PDE8B: variants seen among roughly 807,000 people sequenced by gnomAD.
The protein encoded by PDE8B is phosphodiesterase 8B.
Under a neutral mutation model 101.3 loss-of-function variants are expected in PDE8B, and 26 were observed. That is an observed-to-expected ratio of 0.26 (90% CI 0.19 to 0.36). PDE8B has a LOEUF of 0.36. Among genes scored for constraint, PDE8B ranks in the 10% least tolerant of loss-of-function variants. The probability of loss-of-function intolerance (pLI) is 1.00; values close to 1 mark genes in which losing one functional copy is unlikely to be tolerated. For missense variants in PDE8B, 810 were observed against 1,163.1 expected (o/e 0.70, Z 4.42); for synonymous variants, 424 against 429.3 (o/e 0.99, Z 0.15).
rs771870686 is a variant in PDE8B, at chr5:77,325,580, C to A, written c.441C>A (p.Gly147=). Reference sequence around the variant, plus strand: ...CAAAGGAAGATAGTCAGAGCGATGGCTTCTGGTGGGCCTGCGACAGAGCTG... The same window carrying A: ...CAAAGGAAGATAGTCAGAGCGATGGATTCTGGTGGGCCTGCGACAGAGCTG... ...IFAKEDSQSD[G]FWWACDRAGY... The change falls in exon 3 of 22, where the codon GGC becomes GGA. Residue 147 remains glycine, a synonymous_variant. Coordinates refer to ENST00000264917, the MANE Select transcript of PDE8B (RefSeq NM_003719.5). 3 of 1,614,072 alleles carry A rather than the reference C, an allele frequency of 1.9e-6. No individual in the cohort carries two copies. In the South Asian group the frequency reaches 3.3e-5, roughly 18 times the overall value.
intron 10 of PDE8B, among the ~76,000 whole-genome samples, chr5:77,393,887 C>G (rs369800979): frequency 6.6e-6 from 1 of 152,174 alleles, no homozygotes; most frequent in South Asian, 2.1e-4. Flanking sequence ...ATTTAGACAA[C>G]GTACCAAGTT....
chr5:77,305,091 T>A (rs542031654), intron 1 of PDE8B, among the ~76,000 whole-genome samples: 1 of 152,312 alleles, frequency 6.6e-6, no homozygotes, highest in African/African-American at 2.4e-5. Flanking sequence ...AACAGACAAG[T>A]CTGCTCAAAA....
chr5:77,236,542 C>G (rs1011427215), intron 1 of PDE8B, among the ~76,000 whole-genome samples: 1 of 152,184 alleles, frequency 6.6e-6, no homozygotes, highest in Admixed American at 6.5e-5. Flanking sequence ...AAGTGATTAA[C>G]TGTGTCACAT....
At chr5:77,299,975 A>C (rs919547311) in intron 1 of PDE8B, among the ~76,000 whole-genome samples, 1 of 152,208 alleles carries the variant, frequency 6.6e-6, no homozygotes, top group Non-Finnish European at 1.5e-5. Flanking sequence ...TATGCAGTGG[A>C]GTAGGCCAGA....
chr5:77,331,054 G>A (rs781468360), intron 4 of PDE8B, among the ~76,000 whole-genome samples: 17 of 152,120 alleles, frequency 1.1e-4, no homozygotes, highest in Non-Finnish European at 2.1e-4. Context: ...GGGAACAATT[G>A]TCTCCGAATG....
chr5:77,184,828 A>G, the PDE8B span, among the ~76,000 whole-genome samples: 1 of 152,100 alleles, frequency 6.6e-6, no homozygotes, highest in Non-Finnish European at 1.5e-5. Flanking sequence ...TTTTCAAAAT[A>G]AAAATAAAAA....
chr5:77,261,921 G>T (rs1337649511), intron 1 of PDE8B, among the ~76,000 whole-genome samples: 2 of 152,106 alleles, frequency 1.3e-5, no homozygotes. Context: ...TAACATTTGA[G>T]GCCATCCCTC....
chr5:77,363,443 G>A (rs909266328), intron 10 of PDE8B, among the ~76,000 whole-genome samples: 1 of 152,188 alleles, frequency 6.6e-6, no homozygotes, highest in African/African-American at 2.4e-5. Flanking sequence ...GCCTGGTGCG[G>A]TGGCTTATGT....
chr5:77,390,853 A>G (rs900265180), intron 10 of PDE8B, among the ~76,000 whole-genome samples: 8 of 152,204 alleles, frequency 5.3e-5, no homozygotes, highest in Admixed American at 4.6e-4. Flanking sequence ...GGCTCTGCAT[A>G]CTACCTGTGT....
In PDE8B at chr5:77,413,269, T is replaced by C. The variant is rs756394963; in HGVS notation, c.1871T>C (p.Leu624Pro). 6.2e-7 allele frequency: 1 copy of C among 1,614,056 alleles called. No individual in the cohort carries two copies. Among genetic ancestry groups the C allele is most frequent in the Non-Finnish European group, 8.5e-7 (1 of 1,179,948 alleles). ...AACTCCACCCATGCTGCCGACGTCC[T>C]GCACGCCACCGCTTTCTTTCTTGGA... is the stretch of plus-strand genomic sequence containing the variant. ...YHNSTHAADVLHATAFFLGKE... is the reference protein window; with the variant it reads ...YHNSTHAADVPHATAFFLGKE... Residue 624 changes from leucine (L) to proline (P), a missense_variant, in exon 17 of 22, where the codon CTG becomes CCG. Leu to Pro is a moderately conservative substitution (Grantham distance 98). Transcript: ENST00000264917.
At chr5:77,334,082 TCTC>T (rs1036013829) in intron 5 of PDE8B, among the ~76,000 whole-genome samples, 4 of 152,224 alleles carry the variant, frequency 2.6e-5, no homozygotes, top group Admixed American at 2.0e-4. Flanking sequence ...ATGTGGTGGT[TCTC>T]CTTTTTTGGG....
the PDE8B span, among the ~76,000 whole-genome samples, chr5:77,164,010 G>T: frequency 6.8e-4 from 103 of 152,308 alleles, no homozygotes; most frequent in African/African-American, 2.4e-3. Context: ...AATAAATGGT[G>T]CACATGACCA....
In PDE8B at chr5:77,236,050, G is replaced by T. The variant is rs144634172; in HGVS notation, c.339+24786G>T. 5.7e-3 allele frequency among the ~76,000 whole-genome samples: 873 copies of T among 152,312 alleles called. 14 individuals carry two copies. The highest frequency in any genetic ancestry group is 0.02 in the African/African-American group (824 of 41,552). The stretch of plus-strand genomic sequence containing the variant: ...GGCTGACTGGACTCTTAACTGCTGT[G>T]CTGTGTTGCCAGAGAGGATATTCTG... On this transcript the variant is annotated intron_variant, in intron 1 of 21. Coordinates refer to ENST00000264917, the MANE Select transcript of PDE8B (RefSeq NM_003719.5).
At position 77,210,861 on chromosome 5, in the gene PDE8B, A is replaced by G; in HGVS notation, c.-65A>G. 1 of 1,164,374 alleles carries G rather than the reference A, an allele frequency of 8.6e-7. No homozygotes were observed. Among genetic ancestry groups the G allele is most frequent in the South Asian group, 3.7e-5 (1 of 26,912 alleles). The allele number at this position is 1,164,374 out of a possible 1,614,324, so 72.1% of individuals were successfully genotyped here. A position where few individuals can be genotyped will look rare whatever the true frequency, so the allele number is the denominator to read the frequency against. The stretch of plus-strand genomic sequence containing the variant: ...CGGCCGCCCCCTCACTGCAGGTGGC[A>G]GCGGGTGCGCTGGGTCCCGGCGGCC... On this transcript the variant is annotated 5_prime_UTR_variant, in exon 1 of 22. Transcript: ENST00000264917. The surrounding 1 kb of genome is among the most constrained non-coding windows in gnomAD (Gnocchi z 4.9).
chr5:77,377,335 C>T (rs916866812), intron 10 of PDE8B, among the ~76,000 whole-genome samples: 1 of 152,214 alleles, frequency 6.6e-6, no homozygotes, highest in African/African-American at 2.4e-5. Context: ...CAAAGGATGG[C>T]ACCGGACCTG....
At chr5:77,115,815 G>A in the PDE8B span, among the ~76,000 whole-genome samples, 2 of 152,192 alleles carry the variant, frequency 1.3e-5, no homozygotes, top group East Asian at 1.9e-4. Context: ...TGGAGGTACA[G>A]TATTGTGTCC....
chr5:77,213,336 G>T (rs1748901575), intron 1 of PDE8B, among the ~76,000 whole-genome samples: 1 of 152,182 alleles, frequency 6.6e-6, no homozygotes, highest in South Asian at 2.1e-4. Flanking sequence ...ACTTTGCATT[G>T]TGTGGATCTC....
chr5:77,211,340 G>A lies in PDE8B; in HGVS notation c.339+76G>A, dbSNP rs572264419. Reference sequence around the variant, plus strand: ...GGGGCTCGCACGGGTAGGGGGCTCCGGCGGAGTTGGGTGACCGTGAGGCGG... The same window carrying A: ...GGGGCTCGCACGGGTAGGGGGCTCCAGCGGAGTTGGGTGACCGTGAGGCGG... On this transcript the variant is annotated intron_variant, in intron 1 of 21. Coordinates refer to ENST00000264917, the MANE Select transcript of PDE8B (RefSeq NM_003719.5). This position sits in a 1 kb window ranked among gnomAD's most constrained non-coding sequence, Gnocchi z 4.1. 3.7e-6 allele frequency: 5 copies of A among 1,368,870 alleles called. No homozygotes were observed. Among genetic ancestry groups the A allele is most frequent in the African/African-American group, 3.0e-5 (2 of 66,570 alleles). 84.8% of individuals were successfully genotyped at this position (1,368,870 alleles called of 1,614,324 possible).
chr5:77,183,103 C>T, the PDE8B span, among the ~76,000 whole-genome samples: 1 of 130,204 alleles, frequency 7.7e-6, no homozygotes, highest in Non-Finnish European at 1.5e-5. Flanking sequence ...TGAAGATGTG[C>T]TATTATTATT....
Sources: allele counts gnomAD v4.1 joint callset (sites outside exome capture counted in the v4.1 genomes callset), GRCh38; gene constraint gnomAD v4.1.1; non-coding constraint Gnocchi (gnomAD v3.1); transcripts MANE v1.5; gene names NCBI Gene and HGNC (gene_info 2026-07-23, HGNC 2026-07-21).